Variants in UBR4 observed in about 807,000 individuals in gnomAD.
UBR4 encodes E3 ubiquitin-protein ligase UBR4.
Under a neutral mutation model 575.6 loss-of-function variants are expected in UBR4, and 124 were observed. That is an observed-to-expected ratio of 0.22 (90% CI 0.19 to 0.25). UBR4 has a LOEUF of 0.25. Ranked by LOEUF, UBR4 falls within the 10% of genes least tolerant of loss-of-function variation. The probability of loss-of-function intolerance (pLI) is 1.00; values close to 1 mark genes in which losing one functional copy is unlikely to be tolerated. For synonymous variants in UBR4, 2,455 were observed against 2,473.7 expected (o/e 0.99, Z 0.22); for missense variants, 4,818 against 6,478.8 (o/e 0.74, Z 8.80).
chr1:19,127,599 C>T lies in UBR4; in HGVS notation c.9228+24G>A, dbSNP rs1279540300. ...GACAATCCGCTTACCTTTCCCCAAA[C>T]CCATGAACCCAAAGCAAAAATACCT... On this transcript the variant is annotated intron_variant, in intron 63 of 105. Coordinates refer to ENST00000375254, the MANE Select transcript of UBR4 (RefSeq NM_020765.3). The T allele has an allele frequency of 3.1e-6, 5 of 1,597,552 alleles. No individual in the cohort carries two copies. The Admixed American group carries it at 6.7e-5, about 21-fold the overall frequency.
In UBR4 at chr1:19,164,919, A is replaced by T; in HGVS notation, c.4391T>A (p.Leu1464Gln). The change falls in exon 32 of 106, where the codon CTG becomes CAG. Residue 1464 changes from leucine (L) to glutamine (Q), a missense_variant. This residue lies in a region of UBR4 where 1,172 missense variants were observed against 1,259.7 expected (regional missense o/e 0.93). Transcript: ENST00000375254. Reference protein sequence around the residue: ...AQLACVEPVRLQAWLTRMTTS... With the variant: ...AQLACVEPVRQQAWLTRMTTS... Reference sequence around the variant, plus strand: ...AGTCATGCGGGTGAGCCAGGCCTGCAGGCGCACAGGTTCCACACAGGCCAG... The same window carrying T: ...AGTCATGCGGGTGAGCCAGGCCTGCTGGCGCACAGGTTCCACACAGGCCAG... 1 of 1,614,204 alleles carries T rather than the reference A, an allele frequency of 6.2e-7. No individual in the cohort carries two copies. Among genetic ancestry groups the T allele is most frequent in the Non-Finnish European group, 8.5e-7 (1 of 1,180,040 alleles).
At chr1:19,163,915 T>C in intron 33 of UBR4, 88 bp from the exon 34 acceptor site, 1 of 1,379,292 alleles carries the variant, frequency 7.3e-7, no homozygotes, top group Non-Finnish European at 1.0e-6. Context: ...TAACTTTGAA[T>C]CAATCTGAGG....
chr1:19,156,466 A>C, intron 41 of UBR4, 43 bp from the exon 42 acceptor site: 1 of 1,598,600 alleles, frequency 6.3e-7, no homozygotes, highest in Non-Finnish European at 8.5e-7. Context: ...AGATGATCTG[A>C]AAAGTGGGCT....
rs149231875 is a variant in UBR4, at chr1:19,143,448, C to T, written c.8179+532G>A. The stretch of plus-strand genomic sequence containing the variant: ...TTTTACTGAATCGTAAAATGTTATG[C>T]CCTTGACTGTATTGTGTATTGTGTA... On this transcript the variant is annotated intron_variant, in intron 55 of 105. Coordinates refer to ENST00000375254, the MANE Select transcript of UBR4 (RefSeq NM_020765.3). 8.9e-3 allele frequency among the ~76,000 whole-genome samples: 1,349 copies of T among 152,186 alleles called. 6 individuals carry two copies. Among genetic ancestry groups the T allele is most frequent in the Middle Eastern group, 0.024 (7 of 294 alleles).
intron 50 of UBR4, 88 bp downstream of exon 50, chr1:19,148,475 T>C: frequency 1.4e-5 from 21 of 1,488,742 alleles, no homozygotes; most frequent in Non-Finnish European, 1.9e-5. Flanking sequence ...TAAATGTTCT[T>C]TAGCTTCGAG....
chr1:19,124,196 G>T (rs2081482977), intron 65 of UBR4, among the ~76,000 whole-genome samples: 1 of 152,032 alleles, frequency 6.6e-6, no homozygotes, highest in African/African-American at 2.4e-5. Context: ...CTTTTTTGTT[G>T]TCCAACAGCA....
chr1:19,119,686 A>T lies in UBR4; in HGVS notation c.10326T>A (p.Ser3442=). 6.2e-7 allele frequency: 1 copy of T among 1,610,482 alleles called. No individual in the cohort carries two copies. Among genetic ancestry groups the T allele is most frequent in the Non-Finnish European group, 8.5e-7 (1 of 1,177,092 alleles). The change falls in exon 70 of 106, where the codon TCT becomes TCA. Residue 3442 remains serine, a synonymous_variant. Coordinates refer to ENST00000375254, the MANE Select transcript of UBR4 (RefSeq NM_020765.3). ...TCAGATCTAGCAGGAGCTCCTGTTG[A>T]GATTTGCTGGAATTTCTGTGGATAT... ...TLHIYRNSSK[S]QQELLLDLMW...
At chr1:19,104,919 A>C in intron 85 of UBR4, 129 bp downstream of exon 85, 1 of 1,425,762 alleles carries the variant, frequency 7.0e-7, no homozygotes, top group South Asian at 1.4e-5. Context: ...TCATAAAAAT[A>C]TTTCCAAACA....
At chr1:19,104,562 G>A in intron 86 of UBR4, 23 bp downstream of exon 86, 1 of 1,613,312 alleles carries the variant, frequency 6.2e-7, no homozygotes, top group Non-Finnish European at 8.5e-7. Flanking sequence ...ATGCCCTAAA[G>A]GAAGGTCCAG....
chr1:19,204,747 A>C (rs927641073), intron 1 of UBR4, among the ~76,000 whole-genome samples: 1 of 152,196 alleles, frequency 6.6e-6, no homozygotes, highest in African/African-American at 2.4e-5. Context: ...TGGGCAACTA[A>C]GGATAAACCT....
At chr1:19,143,266 GA>G (rs1315012092) in intron 55 of UBR4, among the ~76,000 whole-genome samples, 627 of 53,898 alleles carry the variant, frequency 0.012, 2 homozygotes, top group Middle Eastern at 0.052. Flanking sequence ...AAGGAAGAAA[GA>G]AAGAAAGAAA....
chr1:19,202,316 C>G (rs182191817), intron 1 of UBR4, among the ~76,000 whole-genome samples: 1 of 152,066 alleles, frequency 6.6e-6, no homozygotes, highest in Admixed American at 6.6e-5. Flanking sequence ...GCAGAACTAA[C>G]GAAATGCAAG....
At chr1:19,147,624 T>C (rs191876429) in intron 51 of UBR4, among the ~76,000 whole-genome samples, 24 of 152,328 alleles carry the variant, frequency 1.6e-4, no homozygotes, top group African/African-American at 4.1e-4. Flanking sequence ...ACAGTACACT[T>C]CTCGTGCTGT....
In UBR4 at chr1:19,170,919, A is replaced by C. The variant is rs76065724; in HGVS notation, c.3522-36T>G. On this transcript the variant is annotated intron_variant, in intron 25 of 105. Transcript: ENST00000375254. Reference sequence around the variant, plus strand: ...AACAGGGGGAAAGTGAAGCCATAAGATTCTAATCCCACCAGTTAGGAAAAA... The same window carrying C: ...AACAGGGGGAAAGTGAAGCCATAAGCTTCTAATCCCACCAGTTAGGAAAAA... 3.2e-3 allele frequency: 5,225 copies of C among 1,613,778 alleles called. 175 individuals are homozygous for C. The African/African-American group carries it at 0.063, about 19-fold the overall frequency.
chr1:19,160,066 G>A, intron 39 of UBR4, 45 bp downstream of exon 39: 1 of 1,588,260 alleles, frequency 6.3e-7, no homozygotes. Context: ...CAATAAATTT[G>A]TTGGTTCCCA....
At chr1:19,132,013 C>T (rs1043326148) in intron 60 of UBR4, among the ~76,000 whole-genome samples, 2 of 151,942 alleles carry the variant, frequency 1.3e-5, no homozygotes, top group Admixed American at 6.6e-5. Context: ...TTTAAATATC[C>T]CATGGGCCAA....
chr1:19,129,806 G>A (rs1355457472), intron 60 of UBR4, among the ~76,000 whole-genome samples: 1 of 152,130 alleles, frequency 6.6e-6, no homozygotes, highest in Non-Finnish European at 1.5e-5. Context: ...TTGGTTGCTA[G>A]TCTCACCTAA....
intron 5 of UBR4, among the ~76,000 whole-genome samples, chr1:19,198,288 T>A (rs1383527563): frequency 1.3e-5 from 2 of 152,204 alleles, no homozygotes; most frequent in Non-Finnish European, 2.9e-5. Flanking sequence ...TAGAAAACTG[T>A]ACATACACCT....
intron 7 of UBR4, 129 bp from the exon 8 acceptor site, chr1:19,197,394 C>A: frequency 7.4e-7 from 1 of 1,347,690 alleles, no homozygotes; most frequent in Non-Finnish European, 1.0e-6. Context: ...TTCAGGAGGC[C>A]AAGGCAGGAG....
Sources: gnomAD v4.1 joint callset for allele counts (sites outside exome capture counted in the v4.1 genomes callset) on GRCh38, gnomAD v4.1.1 for gene constraint, gnomAD v4.1.1 regional missense constraint, MANE v1.5 for transcripts, NCBI Gene and HGNC (gene_info 2026-07-23, HGNC 2026-07-21) for gene names.